LRRC4C: variants seen among roughly 807,000 people sequenced by gnomAD.
LRRC4C encodes the protein leucine rich repeat containing 4C.
LRRC4C carries 5 observed loss-of-function variants against 33.6 expected under a neutral mutation model. That is an observed-to-expected ratio of 0.15 (90% confidence interval 0.08 to 0.31). The LOEUF is 0.31. LRRC4C is among the 10% of genes least tolerant of loss of function. The probability of loss-of-function intolerance (pLI) is 1.00; values close to 1 mark genes in which losing one functional copy is unlikely to be tolerated. For missense variants in LRRC4C, 560 were observed against 796.7 expected (o/e 0.70, Z 3.58); for synonymous variants, 329 against 302.0 (o/e 1.09, Z -0.93).
Position 40,614,686 on chromosome 11 carries a change from T to G in LRRC4C, c.-270+33456A>C, listed in dbSNP as rs184521686. Among the ~76,000 whole-genome samples the G allele has an allele frequency of 1.4e-3, 219 of 151,772 alleles. 1 individual carries two copies. Among genetic ancestry groups the G allele is most frequent in the African/African-American group, 5.1e-3 (213 of 41,468 alleles). On this transcript the variant is annotated intron_variant, in intron 3 of 6. Transcript: ENST00000528697. ...ATCATTTCCAGTTTCTGACTTAAGG[T>G]GAGAGCCATGTGAGTCTTCCCTTCA... is the stretch of plus-strand genomic sequence containing the variant.
chr11:40,839,558 A>T (rs1591847738), intron 2 of LRRC4C, among the ~76,000 whole-genome samples: 1 of 152,240 alleles, frequency 6.6e-6, no homozygotes, highest in Middle Eastern at 3.4e-3. Flanking sequence ...CACCTATTTC[A>T]AACTTCTCTT....
chr11:41,085,833 G>C (rs539731271), intron 1 of LRRC4C, among the ~76,000 whole-genome samples: 1 of 144,330 alleles, frequency 6.9e-6, no homozygotes, highest in African/African-American at 2.6e-5. Context: ...GGATTTTTTC[G>C]ATAACTGGCA....
At chr11:40,120,755 G>A (rs969109172) in intron 6 of LRRC4C, among the ~76,000 whole-genome samples, 2 of 152,128 alleles carry the variant, frequency 1.3e-5, no homozygotes, top group Non-Finnish European at 2.9e-5. Flanking sequence ...TTCTTACTCT[G>A]CCGTTTGCTA....
intron 1 of LRRC4C, among the ~76,000 whole-genome samples, chr11:41,140,942 G>A (rs1201857363): frequency 2.0e-5 from 3 of 152,006 alleles, no homozygotes; most frequent in Non-Finnish European, 4.4e-5. Flanking sequence ...TGTCTTCTGG[G>A]GGATAGAAAA....
chr11:40,538,505 GC>G (rs1956570590), intron 3 of LRRC4C, among the ~76,000 whole-genome samples: 1 of 152,092 alleles, frequency 6.6e-6, no homozygotes, highest in Non-Finnish European at 1.5e-5. Flanking sequence ...GTGTATATGT[GC>G]CACATTTTCT....
At chr11:41,159,237 G>A (rs1000576197) in intron 1 of LRRC4C, among the ~76,000 whole-genome samples, 1 of 152,074 alleles carries the variant, frequency 6.6e-6, no homozygotes, top group Non-Finnish European at 1.5e-5. Flanking sequence ...ATTACATTGA[G>A]CTGTGATCAT....
intron 3 of LRRC4C, among the ~76,000 whole-genome samples, chr11:40,352,920 GT>G (rs1303247058): frequency 6.6e-6 from 1 of 152,232 alleles, no homozygotes; most frequent in East Asian, 1.9e-4. Flanking sequence ...GACCTGTAAG[GT>G]TTCCACTGAG....
chr11:40,585,413 T>C (rs1342014797), intron 3 of LRRC4C, among the ~76,000 whole-genome samples: 2 of 151,872 alleles, frequency 1.3e-5, no homozygotes, highest in African/African-American at 4.8e-5. Context: ...TTGAAATATG[T>C]ACATGTACAT....
At chr11:40,487,201 T>C (rs1370132409) in intron 3 of LRRC4C, among the ~76,000 whole-genome samples, 1 of 152,106 alleles carries the variant, frequency 6.6e-6, no homozygotes, top group Non-Finnish European at 1.5e-5. Flanking sequence ...ATTGTTAAAC[T>C]TATTTTAATG....
chr11:41,433,317 C>T (rs1033801489), intron 1 of LRRC4C, among the ~76,000 whole-genome samples: 5 of 152,082 alleles, frequency 3.3e-5, no homozygotes, highest in Admixed American at 6.6e-5. Context: ...ATACTCTGCC[C>T]CTCTTGATCT....
chr11:41,356,526 C>A (rs535054354), intron 1 of LRRC4C, among the ~76,000 whole-genome samples: 1 of 152,208 alleles, frequency 6.6e-6, no homozygotes, highest in Non-Finnish European at 1.5e-5. Context: ...ACCACCTGAT[C>A]TTAAACCTTA....
chr11:40,219,690 A>G (rs963513359), intron 5 of LRRC4C, among the ~76,000 whole-genome samples: 1 of 151,640 alleles, frequency 6.6e-6, no homozygotes, highest in Non-Finnish European at 1.5e-5. Flanking sequence ...ATATGCAGAC[A>G]TAGAGAACAA....
At chr11:41,120,920 C>T (rs1011683131) in intron 1 of LRRC4C, among the ~76,000 whole-genome samples, 3 of 152,038 alleles carry the variant, frequency 2.0e-5, no homozygotes, top group Non-Finnish European at 4.4e-5. Context: ...TCCTACTCTG[C>T]CCTGGTAAGA....
At chr11:40,203,691 GA>G (rs923294936) in intron 5 of LRRC4C, among the ~76,000 whole-genome samples, 3 of 152,138 alleles carry the variant, frequency 2.0e-5, no homozygotes, top group Admixed American at 2.0e-4. Flanking sequence ...CATAATGAAG[GA>G]AAAATAATTA....
chr11:41,003,688 G>C (rs1394482744), intron 1 of LRRC4C, among the ~76,000 whole-genome samples: 1 of 151,678 alleles, frequency 6.6e-6, no homozygotes, highest in Non-Finnish European at 1.5e-5. Context: ...TCAAGGGAGA[G>C]AAGAGACATC....
intron 3 of LRRC4C, among the ~76,000 whole-genome samples, chr11:40,385,760 G>A (rs1170341400): frequency 1.3e-5 from 2 of 151,698 alleles, no homozygotes; most frequent in African/African-American, 2.4e-5. Flanking sequence ...CCAGCTACTC[G>A]GGAGGCTGAG....
chr11:41,257,720 C>A (rs925874078), intron 1 of LRRC4C, among the ~76,000 whole-genome samples: 34 of 152,102 alleles, frequency 2.2e-4, no homozygotes, highest in African/African-American at 7.0e-4. Context: ...AAGATGTAGG[C>A]CGATACTAAA....
intron 5 of LRRC4C, among the ~76,000 whole-genome samples, chr11:40,182,461 G>A (rs2135530833): frequency 6.6e-6 from 1 of 152,274 alleles, no homozygotes; most frequent in South Asian, 2.1e-4. Flanking sequence ...CTCAGCATAA[G>A]GCTTAGTGCC....
intron 2 of LRRC4C, among the ~76,000 whole-genome samples, chr11:40,859,651 A>G (rs1408959139): frequency 6.6e-6 from 1 of 152,208 alleles, no homozygotes; most frequent in Non-Finnish European, 1.5e-5. Context: ...TTTGTACTCA[A>G]ATGTTTCTAG....
Sources: allele counts gnomAD v4.1 joint callset (sites outside exome capture counted in the v4.1 genomes callset), GRCh38; gene constraint gnomAD v4.1.1; transcripts MANE v1.5; gene names NCBI Gene and HGNC (gene_info 2026-07-23, HGNC 2026-07-21).